The following LARGE1 variants were observed in gnomAD, a reference collection of about 807,000 sequenced individuals.
The protein encoded by LARGE1 is LARGE xylosyl- and glucuronyltransferase 1.
In LARGE1, 43 loss-of-function variants were observed where a neutral mutation model predicts 87.6. That is an observed-to-expected ratio of 0.49 (90% CI 0.38 to 0.63). LARGE1 has a LOEUF of 0.63. Among genes scored for constraint, LARGE1 ranks in the 30% least tolerant of loss-of-function variants. The probability of loss-of-function intolerance (pLI) is 0.00; values close to 1 mark genes in which losing one functional copy is unlikely to be tolerated. For synonymous variants in LARGE1, 434 were observed against 394.6 expected (o/e 1.10, Z -1.18); for missense variants, 802 against 1,000.2 (o/e 0.80, Z 2.67).
chr22:33,304,537 G>A, intron 11 of LARGE1, 30 bp from the exon 12 acceptor site: 1 of 1,541,502 alleles, frequency 6.5e-7, no homozygotes, highest in South Asian at 1.2e-5. Flanking sequence ...TGAGCCGCGG[G>A]ACCTGGGCCA....
chr22:33,882,710 G>C (rs528393073), intron 1 of LARGE1, among the ~76,000 whole-genome samples: 2 of 152,274 alleles, frequency 1.3e-5, no homozygotes, highest in East Asian at 3.9e-4. Flanking sequence ...AGCATGTCTA[G>C]GAAACCTGTG....
chr22:33,602,957 T>C (rs2079150414), intron 5 of LARGE1, among the ~76,000 whole-genome samples: 1 of 152,210 alleles, frequency 6.6e-6, no homozygotes, highest in African/African-American at 2.4e-5. Context: ...CATGTTGCTT[T>C]TCCCCCATGG....
At chr22:33,800,093 T>A (rs2086113037) in intron 1 of LARGE1, among the ~76,000 whole-genome samples, 1 of 152,198 alleles carries the variant, frequency 6.6e-6, no homozygotes, top group African/African-American at 2.4e-5. Context: ...ACTCATTCCG[T>A]TCCAAAAGTT....
At chr22:33,117,104 T>C in the LARGE1 span, among the ~76,000 whole-genome samples, 1 of 152,212 alleles carries the variant, frequency 6.6e-6, no homozygotes, top group Non-Finnish European at 1.5e-5. Flanking sequence ...AGTTCGCATA[T>C]CTTCTTGCTG....
At chr22:33,643,997 G>A (rs572092294) in intron 3 of LARGE1, among the ~76,000 whole-genome samples, 14 of 152,260 alleles carry the variant, frequency 9.2e-5, no homozygotes, top group Admixed American at 5.9e-4. Context: ...AGAGGAGCTG[G>A]TGCCATTCCT....
At chr22:33,544,694 C>CACA (rs368374318) in intron 6 of LARGE1, among the ~76,000 whole-genome samples, 57 of 136,526 alleles carry the variant, frequency 4.2e-4, no homozygotes, top group South Asian at 6.4e-4. Context: ...AAACAACAAC[C>CACA]ACAACAACAA....
At chr22:33,181,981 C>T (rs1046033183) in intron 11 of LARGE1, among the ~76,000 whole-genome samples, 5 of 151,936 alleles carry the variant, frequency 3.3e-5, no homozygotes, top group African/African-American at 2.4e-5. Context: ...TGCAACCACA[C>T]CCGGCTAATT....
the LARGE1 span, among the ~76,000 whole-genome samples, chr22:33,144,125 C>A: frequency 6.6e-5 from 10 of 151,990 alleles, no homozygotes; most frequent in Admixed American, 2.0e-4. Flanking sequence ...TTCAACTTTT[C>A]TTTTATAACT....
intron 9 of LARGE1, among the ~76,000 whole-genome samples, chr22:33,354,317 C>G (rs1940690439): frequency 6.6e-6 from 1 of 152,140 alleles, no homozygotes. Context: ...ACTTAGAAAA[C>G]TTCAAAATAG....
At chr22:33,817,901 G>GGAGGGAGGAAAGGGGGAGGA (rs202246858) in intron 1 of LARGE1, among the ~76,000 whole-genome samples, 9 of 151,776 alleles carry the variant, frequency 5.9e-5, no homozygotes, top group Non-Finnish European at 1.3e-4. Context: ...AGAAGCTGAA[G>GGAGGGAGGAAAGGGGGAGGA]GAGGGAGGAA....
At chr22:33,760,521 G>A (rs2084685540) in intron 2 of LARGE1, among the ~76,000 whole-genome samples, 1 of 152,112 alleles carries the variant, frequency 6.6e-6, no homozygotes, top group African/African-American at 2.4e-5. Flanking sequence ...GCATCGCAAC[G>A]TGCCGCGATC....
rs531894455 is a variant in LARGE1, at chr22:33,394,198, C to CT, written c.893-9895dup. ...AACTTAACTTAGATGACCTCTGATT[C>CT]TTTTTTTTTTTTTTTTTTGAGACAG... On this transcript the variant is annotated intron_variant, in intron 7 of 14. Transcript: ENST00000397394. Among the ~76,000 whole-genome samples, 457 of 126,776 alleles carry CT rather than the reference C, an allele frequency of 3.6e-3. 4 individuals are homozygous for CT. The highest frequency in any genetic ancestry group is 8.8e-3 in the Middle Eastern group (2 of 228). The allele number at this position is 126,776 out of a possible 152,430, so 83.2% of individuals were successfully genotyped here.
chr22:33,464,333 A>G (rs1200208508), intron 6 of LARGE1, among the ~76,000 whole-genome samples: 1 of 152,198 alleles, frequency 6.6e-6, no homozygotes, highest in Non-Finnish European at 1.5e-5. Context: ...GTTTATTTTC[A>G]TAAGTCGAAT....
chr22:33,855,226 C>T (rs1384423898), intron 1 of LARGE1, among the ~76,000 whole-genome samples: 5 of 151,906 alleles, frequency 3.3e-5, no homozygotes, highest in African/African-American at 7.3e-5. Flanking sequence ...TCCAGCTACT[C>T]GGGAGGCTGA....
intron 9 of LARGE1, among the ~76,000 whole-genome samples, chr22:33,381,174 C>T (rs199824949): frequency 2.0e-5 from 3 of 152,258 alleles, no homozygotes; most frequent in Non-Finnish European, 4.4e-5. Context: ...TGAAGCTGAC[C>T]ACAAATACTC....
chr22:33,710,505 C>T (rs560433963), intron 2 of LARGE1, among the ~76,000 whole-genome samples: 9 of 152,306 alleles, frequency 5.9e-5, no homozygotes, highest in African/African-American at 2.2e-4. Context: ...AACAACTCGT[C>T]CCTGGCTGGC....
intron 4 of LARGE1, among the ~76,000 whole-genome samples, chr22:33,608,329 C>T (rs1260875522): frequency 1.3e-5 from 2 of 152,162 alleles, no homozygotes; most frequent in Admixed American, 6.5e-5. Flanking sequence ...GTGCTGTTCC[C>T]TCTCCATGGA....
chr22:33,097,465 C>T, the LARGE1 span, among the ~76,000 whole-genome samples: 3 of 152,156 alleles, frequency 2.0e-5, no homozygotes, highest in Non-Finnish European at 2.9e-5. Context: ...ACATCCAACA[C>T]CCACCATGCA....
chr22:33,787,521 A>T (rs1047017845), intron 1 of LARGE1, among the ~76,000 whole-genome samples: 1 of 152,158 alleles, frequency 6.6e-6, no homozygotes, highest in African/African-American at 2.4e-5. Flanking sequence ...CCTCCAAACT[A>T]TCTTCCTTCC....
Sources: allele counts gnomAD v4.1 joint callset (sites outside exome capture counted in the v4.1 genomes callset), GRCh38; gene constraint gnomAD v4.1.1; transcripts MANE v1.5; gene names NCBI Gene and HGNC (gene_info 2026-07-23, HGNC 2026-07-21).